UGT1A4: variants seen among roughly 807,000 people sequenced by gnomAD.
UGT1A4 encodes the protein UDP glucuronosyltransferase family 1 member A4.
A neutral mutation model predicts 41.1 loss-of-function variants in UGT1A4; 32 were observed. That is an observed-to-expected ratio of 0.78 (90% confidence interval 0.59 to 1.05). UGT1A4 has a LOEUF of 1.05. Among genes scored for constraint, UGT1A4 ranks in the 50% least tolerant of loss-of-function variants. The pLI is 0.00. For synonymous variants in UGT1A4, 283 were observed against 265.1 expected (o/e 1.07, Z -0.66); for missense variants, 748 against 677.4 (o/e 1.10, Z -1.16).
At chr2:233,743,086 T>C (rs926867030) in intron 1 of UGT1A4, 1 of 346,580 alleles carries the variant, frequency 2.9e-6, no homozygotes, top group African/African-American at 2.2e-5. Context: ...GAAGTGTTTA[T>C]AAATTCTTGG....
chr2:233,772,615 T>C lies in UGT1A4; in HGVS notation c.*56T>C. ...AACCATTCCCTAGTCATTTCCAAAC[T>C]TGAAAACAGAATCAGTGTTAAATTC... On this transcript the variant is annotated 3_prime_UTR_variant, in exon 5 of 5. Coordinates refer to ENST00000373409, the MANE Select transcript of UGT1A4 (RefSeq NM_007120.3). 6.3e-7 allele frequency: 1 copy of C among 1,574,876 alleles called. No individual in the cohort carries two copies. The highest frequency in any genetic ancestry group is 8.6e-7 in the Non-Finnish European group (1 of 1,159,332).
intron 1 of UGT1A4, chr2:233,744,024 G>T: frequency 1.1e-6 from 1 of 951,358 alleles, no homozygotes; most frequent in Non-Finnish European, 1.4e-6. Flanking sequence ...CTGGAGAGAC[G>T]CCCCTTATGA....
Position 233,719,061 on chromosome 2 carries a change from G to A in UGT1A4, c.241G>A (p.Ala81Thr), listed in dbSNP as rs193183920. The A allele has an allele frequency of 6.2e-7, 1 of 1,614,280 alleles. No homozygotes were observed. Among genetic ancestry groups the A allele is most frequent in the Admixed American group, 1.7e-5 (1 of 60,036 alleles). ...EEKFFTLTAYAVPWTQKEFDR... is the reference protein window; with the variant it reads ...EEKFFTLTAYTVPWTQKEFDR... Reference sequence around the variant, plus strand: ...GAAATTTTTCACCCTGACAGCCTATGCTGTTCCATGGACCCAGAAGGAATT... The same window carrying A: ...GAAATTTTTCACCCTGACAGCCTATACTGTTCCATGGACCCAGAAGGAATT... Residue 81 changes from alanine to threonine, a missense_variant, in exon 1 of 5, where the codon GCT becomes ACT. Physicochemically the swap from Ala to Thr is moderately conservative, Grantham distance 58 (BLOSUM62 0). Coordinates refer to ENST00000373409, the MANE Select transcript of UGT1A4 (RefSeq NM_007120.3).
intron 1 of UGT1A4, among the ~76,000 whole-genome samples, chr2:233,720,871 A>ATTTTTTT (rs60621337): frequency 2.3e-5 from 3 of 132,772 alleles, no homozygotes; most frequent in Admixed American, 7.5e-5. Context: ...GCTCCTGGCA[A>ATTTTTTT]TTTTTTTTTT....
chr2:233,719,031 G>C lies in UGT1A4; in HGVS notation c.211G>C (p.Glu71Gln), dbSNP rs140140394. The C allele has an allele frequency of 7.2e-4, 1,168 of 1,614,166 alleles. No homozygotes were observed. The highest frequency in any genetic ancestry group is 9.3e-4 in the Non-Finnish European group (1,092 of 1,180,056). Residue 71 changes from glutamate to glutamine, a missense_variant, in exon 1 of 5, where the codon GAA becomes CAA. Glu to Gln is a conservative substitution (Grantham distance 29). Transcript: ENST00000373409. The part of the protein sequence containing the change: ...LTPEVNMHIK[E>Q]EKFFTLTAYA... Reference sequence around the variant, plus strand: ...CCCAGAGGTGAATATGCACATCAAAGAAGAGAAATTTTTCACCCTGACAGC... The same window carrying C: ...CCCAGAGGTGAATATGCACATCAAACAAGAGAAATTTTTCACCCTGACAGC...
At chr2:233,757,019 A>C (rs1245211871) in intron 1 of UGT1A4, among the ~76,000 whole-genome samples, 4 of 151,834 alleles carry the variant, frequency 2.6e-5, no homozygotes, top group African/African-American at 9.7e-5. Context: ...CAGTTTGAAC[A>C]AAGCAATTTG....
chr2:233,730,912 A>G (rs941087892), intron 1 of UGT1A4, among the ~76,000 whole-genome samples: 20 of 152,310 alleles, frequency 1.3e-4, no homozygotes, highest in African/African-American at 1.9e-4. Context: ...CAAAAATTTC[A>G]GAGGCAGCTT....
chr2:233,755,424 C>T (rs976220166), intron 1 of UGT1A4: 1 of 319,328 alleles, frequency 3.1e-6, no homozygotes, highest in East Asian at 8.3e-5. Flanking sequence ...GTGAGCGCCT[C>T]GCATCCCAAG....
At chr2:233,752,688 T>G (rs143415003) in intron 1 of UGT1A4, 1 of 152,282 alleles carries the variant, frequency 6.6e-6, no homozygotes, top group Non-Finnish European at 1.5e-5. Flanking sequence ...GAAATTCATG[T>G]TTACTAGTGG....
At chr2:233,736,335 T>G (rs1256501308) in intron 1 of UGT1A4, among the ~76,000 whole-genome samples, 1 of 152,262 alleles carries the variant, frequency 6.6e-6, no homozygotes, top group Non-Finnish European at 1.5e-5. Context: ...GTTATGAAGT[T>G]CTTGTGCCAT....
intron 1 of UGT1A4, among the ~76,000 whole-genome samples, chr2:233,765,804 G>T (rs1575814743): frequency 6.6e-6 from 1 of 152,060 alleles, no homozygotes. Flanking sequence ...AGTGAGAAAA[G>T]AATTGCCATG....
intron 1 of UGT1A4, chr2:233,741,376 C>T (rs1691643846): frequency 6.6e-6 from 1 of 151,824 alleles, no homozygotes; most frequent in Non-Finnish European, 1.5e-5. Flanking sequence ...ACTGCCCATG[C>T]CTTTCTACCA....
rs749836255 is a variant in UGT1A4 at position 233,760,959 on chromosome 2, C to T, written c.868-6075C>T. 27 of 1,614,184 alleles carry T rather than the reference C, an allele frequency of 1.7e-5. No homozygotes were observed. The highest frequency in any genetic ancestry group is 1.9e-5 in the Non-Finnish European group (23 of 1,180,034). On this transcript the variant is annotated intron_variant, in intron 1 of 4. Transcript: ENST00000373409. ...CCTTTTCACAGAACTTTCTGTGCGA[C>T]GTGGTTTATTCCCCGTATGCAACCC...
At chr2:233,726,742 G>A (rs1437443163) in intron 1 of UGT1A4, among the ~76,000 whole-genome samples, 1 of 152,226 alleles carries the variant, frequency 6.6e-6, no homozygotes, top group African/African-American at 2.4e-5. Context: ...TTGTGGGGCT[G>A]TGATTCTGCC....
chr2:233,722,194 C>T (rs1259255886), intron 1 of UGT1A4: 3 of 157,146 alleles, frequency 1.9e-5, no homozygotes, highest in African/African-American at 4.8e-5. Flanking sequence ...TGCCAATTTA[C>T]TGAGTGCATG....
Position 233,769,872 on chromosome 2 carries a change from A to G in UGT1A4, c.1307+1433A>G. 2.2e-6 allele frequency: 1 copy of G among 452,556 alleles called. No individual in the cohort carries two copies. The highest frequency in any genetic ancestry group is 3.7e-6 in the Non-Finnish European group (1 of 267,272). The allele number at this position is 452,556 out of a possible 1,614,324, so 28.0% of individuals were successfully genotyped here. A position where few individuals can be genotyped will look rare whatever the true frequency, so the allele number is the denominator to read the frequency against. ...GACCCTGTCTCAAAAAAAAAAAAAA[A>G]AATGAAAAGTCCACATAACCTGAGC... On this transcript the variant is annotated intron_variant, in intron 4 of 4. Coordinates refer to ENST00000373409, the MANE Select transcript of UGT1A4 (RefSeq NM_007120.3). The surrounding 1 kb of genome is among the most constrained non-coding windows in gnomAD (Gnocchi z 4.4).
At chr2:233,733,467 T>C (rs1231122039) in intron 1 of UGT1A4, among the ~76,000 whole-genome samples, 1 of 152,200 alleles carries the variant, frequency 6.6e-6, no homozygotes, top group African/African-American at 2.4e-5. Context: ...GCTCTTATTA[T>C]TTTGAGATAC....
chr2:233,760,266 C>G (rs778145749), intron 1 of UGT1A4: 1 of 1,612,006 alleles, frequency 6.2e-7, no homozygotes. Flanking sequence ...GAGGGCGAAC[C>G]TCTGGCAGGA....
intron 1 of UGT1A4, among the ~76,000 whole-genome samples, chr2:233,763,630 G>T (rs1698361398): frequency 6.6e-6 from 1 of 152,108 alleles, no homozygotes; most frequent in South Asian, 2.1e-4. Flanking sequence ...CTCTTGTGTT[G>T]ATGGTCCTAT....
Sources: gnomAD v4.1 joint callset for allele counts (sites outside exome capture counted in the v4.1 genomes callset) on GRCh38, gnomAD v4.1.1 for gene constraint, Gnocchi (gnomAD v3.1) non-coding constraint, MANE v1.5 for transcripts, NCBI Gene and HGNC (gene_info 2026-07-23, HGNC 2026-07-21) for gene names.